Variants in FBXW7 observed in about 807,000 individuals in gnomAD.
FBXW7 encodes the protein F-box and WD repeat domain containing 7.
Under a neutral mutation model 86.3 loss-of-function variants are expected in FBXW7, and 11 were observed. The observed-to-expected ratio is 0.13, with a 90% CI of 0.08 to 0.21. FBXW7 has a LOEUF of 0.21. Among genes scored for constraint, FBXW7 ranks in the 10% least tolerant of loss-of-function variants. FBXW7 has a pLI of 1.00. For missense variants in FBXW7, 488 were observed against 847.4 expected (o/e 0.58, Z 5.27); for synonymous variants, 313 against 297.9 (o/e 1.05, Z -0.52).
chr4:152,486,116 A>G (rs930996047), intron 2 of FBXW7, among the ~76,000 whole-genome samples: 5 of 152,168 alleles, frequency 3.3e-5, no homozygotes, highest in African/African-American at 9.6e-5. Context: ...AATACAGTAT[A>G]AAAGATTTTT....
At chr4:152,352,661 G>GGAAGA in intron 4 of FBXW7, 1 of 1,613,850 alleles carries the variant, frequency 6.2e-7, no homozygotes, top group Non-Finnish European at 8.5e-7. Context: ...TTAGGGAGCA[G>GGAAGA]AACCGGCAAC....
intron 4 of FBXW7, among the ~76,000 whole-genome samples, chr4:152,367,066 A>G (rs1733555732): frequency 6.6e-6 from 1 of 152,168 alleles, no homozygotes; most frequent in Admixed American, 6.6e-5. Flanking sequence ...CATAGGTGGG[A>G]ATTGAACAAT....
At chr4:152,475,327 C>T (rs558544624) in intron 2 of FBXW7, among the ~76,000 whole-genome samples, 4 of 151,952 alleles carry the variant, frequency 2.6e-5, no homozygotes, top group Admixed American at 6.6e-5. Flanking sequence ...CTCAGGAAGG[C>T]GGGGCAGGAA....
intron 2 of FBXW7, among the ~76,000 whole-genome samples, chr4:152,439,916 C>T (rs923513913): frequency 4.0e-5 from 6 of 150,820 alleles, no homozygotes; most frequent in African/African-American, 1.5e-4. Flanking sequence ...TTCATACAGA[C>T]CTGGCTTTAC....
intron 2 of FBXW7, among the ~76,000 whole-genome samples, chr4:152,475,609 T>A (rs183422428): frequency 2.6e-5 from 4 of 152,346 alleles, no homozygotes; most frequent in Admixed American, 6.5e-5. Context: ...TTCAAAAGCA[T>A]GTTGTCTATA....
intron 2 of FBXW7, among the ~76,000 whole-genome samples, chr4:152,534,391 GTCC>G (rs763027552): frequency 6.6e-6 from 1 of 152,092 alleles, no homozygotes; most frequent in Non-Finnish European, 1.5e-5. Context: ...CTGTTACAGT[GTCC>G]TCCTGACACA....
rs1028404801 is a variant in FBXW7 at position 152,535,774 on chromosome 4, G to A, written c.-860C>T. On this transcript the variant is annotated 5_prime_UTR_variant, in exon 1 of 14. It adds an upstream start codon to the 5' untranslated region. Coordinates refer to ENST00000281708, the MANE Select transcript of FBXW7 (RefSeq NM_001349798.2). ...CGGAGCAGCTACCCACTCCCGGCCC[G>A]TGGTAGCCGCCTCCCTGCCCCCCAA... is the stretch of plus-strand genomic sequence containing the variant. The A allele has an allele frequency of 5.1e-6, 2 of 392,314 alleles. No individual in the cohort carries two copies. Among genetic ancestry groups the A allele is most frequent in the Non-Finnish European group, 9.0e-6 (2 of 222,906 alleles). 24.3% of individuals were successfully genotyped at this position (392,314 alleles called of 1,614,324 possible).
chr4:152,348,778 T>C (rs1731514361), intron 5 of FBXW7: 2 of 847,526 alleles, frequency 2.4e-6, no homozygotes, highest in East Asian at 1.5e-4. Flanking sequence ...AAGAAATACT[T>C]TATCATGACT....
chr4:152,413,932 G>A lies in FBXW7; in HGVS notation c.-119-1403C>T, dbSNP rs977584521. 5.3e-5 allele frequency among the ~76,000 whole-genome samples: 8 copies of A among 152,144 alleles called. 1 individual carries two copies. Among genetic ancestry groups the A allele is most frequent in the Middle Eastern group, 3.4e-3 (1 of 294 alleles). On this transcript the variant is annotated intron_variant, in intron 2 of 13. Coordinates refer to ENST00000281708, the MANE Select transcript of FBXW7 (RefSeq NM_001349798.2). ...TCTAAAGTCCCTATAAATCACCACCGTTAATCAAATACAGTTGATTCCCAT... is the reference window on the plus strand; with the variant it reads ...TCTAAAGTCCCTATAAATCACCACCATTAATCAAATACAGTTGATTCCCAT...
intron 2 of FBXW7, among the ~76,000 whole-genome samples, chr4:152,526,186 T>C (rs1206736239): frequency 2.0e-5 from 3 of 150,116 alleles, no homozygotes; most frequent in Non-Finnish European, 4.4e-5. Context: ...CGTTGGACAA[T>C]AGACCTTTGT....
intron 2 of FBXW7, among the ~76,000 whole-genome samples, chr4:152,449,896 G>C (rs1741755311): frequency 6.6e-6 from 1 of 152,124 alleles, no homozygotes; most frequent in African/African-American, 2.4e-5. Flanking sequence ...TCAAATTACT[G>C]TAACTTAAAT....
intron 2 of FBXW7, among the ~76,000 whole-genome samples, chr4:152,445,437 C>T (rs147105403): frequency 2.1e-3 from 316 of 152,228 alleles, no homozygotes; most frequent in African/African-American, 6.1e-3. Flanking sequence ...AAATCCGAAG[C>T]GCTTCAATGA....
chr4:152,439,119 G>A (rs79955748), intron 2 of FBXW7, among the ~76,000 whole-genome samples: 2,079 of 152,232 alleles, frequency 0.014, 26 homozygotes, highest in Middle Eastern at 0.037. Flanking sequence ...CCAGAAGAGG[G>A]TAACCAGAGG....
intron 4 of FBXW7, among the ~76,000 whole-genome samples, chr4:152,388,350 G>C (rs1480872891): frequency 6.6e-6 from 1 of 152,114 alleles, no homozygotes; most frequent in Non-Finnish European, 1.5e-5. Flanking sequence ...TTATAAAAAT[G>C]TGACCTGATA....
intron 2 of FBXW7, among the ~76,000 whole-genome samples, chr4:152,454,252 C>CG: frequency 1.2e-5 from 1 of 85,112 alleles, no homozygotes; most frequent in African/African-American, 5.7e-5. Flanking sequence ...ACTCTCTAAG[C>CG]CCCCCCCCCC....
chr4:152,357,731 G>GT (rs1372048110), intron 4 of FBXW7, among the ~76,000 whole-genome samples: 1 of 152,128 alleles, frequency 6.6e-6, no homozygotes, highest in Non-Finnish European at 1.5e-5. Context: ...AACAGTGTAA[G>GT]TTTTTTCATT....
chr4:152,483,737 T>C (rs1379459049), intron 2 of FBXW7, among the ~76,000 whole-genome samples: 1 of 151,914 alleles, frequency 6.6e-6, no homozygotes, highest in African/African-American at 2.4e-5. Context: ...ACCCTTTCTG[T>C]GTTGTGTGTG....
At chr4:152,430,621 C>A (rs974144105) in intron 2 of FBXW7, among the ~76,000 whole-genome samples, 1 of 151,654 alleles carries the variant, frequency 6.6e-6, no homozygotes, top group Admixed American at 6.6e-5. Context: ...TTGTAGATAT[C>A]TGTAGTTTTT....
chr4:152,384,510 T>C lies in FBXW7; in HGVS notation c.501+26793A>G, dbSNP rs796076641. Among the ~76,000 whole-genome samples, 9 of 152,116 alleles carry C rather than the reference T, an allele frequency of 5.9e-5. No individual in the cohort carries two copies. The South Asian group carries it at 1.4e-3, about 24-fold the overall frequency. ...GATAGAAAACAGAATCATGGTTGTC[T>C]GAGACAGGGAGAGGGGGAAATGAGA... On this transcript the variant is annotated intron_variant, in intron 4 of 13. Transcript: ENST00000281708.
Sources: allele counts gnomAD v4.1 joint callset (sites outside exome capture counted in the v4.1 genomes callset), GRCh38; gene constraint gnomAD v4.1.1; transcripts MANE v1.5; gene names NCBI Gene and HGNC (gene_info 2026-07-23, HGNC 2026-07-21).